SLC36A3: variants seen among roughly 807,000 people sequenced by gnomAD.
The protein encoded by SLC36A3 is solute carrier family 36 member 3.
Under a neutral mutation model 44.3 loss-of-function variants are expected in SLC36A3, and 35 were observed. The ratio of observed to expected loss-of-function variants is 0.79; its 90% CI spans 0.60 to 1.05. The LOEUF (loss-of-function observed/expected upper bound fraction) is 1.05. Among genes scored for constraint, SLC36A3 ranks in the 50% least tolerant of loss-of-function variants. The probability of loss-of-function intolerance (pLI) is 0.00; values close to 1 mark genes in which losing one functional copy is unlikely to be tolerated. For synonymous variants in SLC36A3, 211 were observed against 227.6 expected (o/e 0.93, Z 0.66); for missense variants, 540 against 578.7 (o/e 0.93, Z 0.69).
intron 6 of SLC36A3, among the ~76,000 whole-genome samples, chr5:151,285,241 T>C (rs1271537941): frequency 6.6e-6 from 1 of 152,244 alleles, no homozygotes; most frequent in Non-Finnish European, 1.5e-5. Flanking sequence ...TAAGGCTGAA[T>C]AATATTCCAC....
rs539120210 is a variant in SLC36A3, at chr5:151,289,059, CA to C, written c.405-590del. ...TGGGTGACAGAGCCAAATTCCATCT[CA>C]AAAAAAAAAAAAAGAAAAAGTCAAT... On this transcript the variant is annotated intron_variant, in intron 4 of 9. Coordinates refer to ENST00000335230, the MANE Select transcript of SLC36A3 (RefSeq NM_181774.4). 2.3e-3 allele frequency: 248 copies of C among 109,670 alleles called. No homozygotes were observed. In the Middle Eastern group the frequency reaches 0.042, roughly 19 times the overall value. The allele number at this position is 109,670 out of a possible 1,614,324, so 6.8% of individuals were successfully genotyped here. A position where few individuals can be genotyped will look rare whatever the true frequency, so the allele number is the denominator to read the frequency against.
chr5:151,290,780 A>G (rs1300059207), intron 4 of SLC36A3, among the ~76,000 whole-genome samples: 2 of 152,074 alleles, frequency 1.3e-5, no homozygotes, highest in Non-Finnish European at 2.9e-5. Context: ...CTGTAGTCCC[A>G]GCTACTCAGG....
chr5:151,291,842 G>A (rs1754768350), intron 4 of SLC36A3, among the ~76,000 whole-genome samples: 1 of 152,106 alleles, frequency 6.6e-6, no homozygotes, highest in South Asian at 2.1e-4. Context: ...TTGCCTCCAT[G>A]GAATGGGCAG....
In SLC36A3 at chr5:151,298,633, A is replaced by G; in HGVS notation, c.179T>C (p.Leu60Pro). ...CTTTATGGCCAGGGGAAGCCCCAGG[A>G]GCCCTGTGCCAATGTTGCATTTCAA... The part of the protein sequence containing the change: ...HLLKCNIGTG[L>P]LGLPLAIKNA... The change falls in exon 2 of 10, where the codon CTC (leucine) becomes CCC (proline). Residue 60 changes from leucine to proline, a missense_variant. Physicochemically the swap from Leu to Pro is moderately conservative, Grantham distance 98. Coordinates refer to ENST00000335230, the MANE Select transcript of SLC36A3 (RefSeq NM_181774.4). 1.9e-6 allele frequency: 3 copies of G among 1,614,236 alleles called. No homozygotes were observed. The highest frequency in any genetic ancestry group is 2.5e-6 in the Non-Finnish European group (3 of 1,180,042).
At chr5:151,285,707 GATT>G (rs1754510982) in intron 6 of SLC36A3, among the ~76,000 whole-genome samples, 1 of 107,718 alleles carries the variant, frequency 9.3e-6, no homozygotes, top group Non-Finnish European at 2.1e-5. Flanking sequence ...GATGATCCTG[GATT>G]ATTCGGGTGG....
chr5:151,292,265 A>G (rs1754786128), intron 4 of SLC36A3, among the ~76,000 whole-genome samples: 1 of 152,210 alleles, frequency 6.6e-6, no homozygotes, highest in Non-Finnish European at 1.5e-5. Flanking sequence ...ACTCTTTCTC[A>G]TGACCTCATC....
chr5:151,291,892 A>T (rs991973516), intron 4 of SLC36A3, among the ~76,000 whole-genome samples: 4 of 151,880 alleles, frequency 2.6e-5, no homozygotes, highest in Non-Finnish European at 4.4e-5. Flanking sequence ...ATGGAGTCTC[A>T]CTCTGTCACC....
intron 9 of SLC36A3, 51 bp downstream of exon 9, chr5:151,280,963 G>T: frequency 1.2e-6 from 2 of 1,606,728 alleles, no homozygotes; most frequent in African/African-American, 1.3e-5. Flanking sequence ...GGGCGCCAGC[G>T]TGGCTCCCTG....
intron 2 of SLC36A3, chr5:151,297,025 T>C (rs1223431896): frequency 2.6e-5 from 4 of 152,234 alleles, no homozygotes; most frequent in Non-Finnish European, 4.4e-5. Flanking sequence ...CACTTGTGTC[T>C]TTATAGATGT....
chr5:151,293,754 G>T (rs1184198863), intron 3 of SLC36A3, among the ~76,000 whole-genome samples: 1 of 152,238 alleles, frequency 6.6e-6, no homozygotes, highest in Admixed American at 6.5e-5. Flanking sequence ...GGGATATGGA[G>T]GGGGAGAGGA....
Position 151,303,329 on chromosome 5 carries a change from T to C in SLC36A3, c.26A>G (p.Asn9Ser), listed in dbSNP as rs972552272. Residue 9 changes from asparagine to serine, a missense_variant, in exon 1 of 10, where the codon AAC (asparagine) becomes AGC (serine). Physicochemically the swap from Asn to Ser is conservative, Grantham distance 46. Coordinates refer to ENST00000335230, the MANE Select transcript of SLC36A3 (RefSeq NM_181774.4). The stretch of plus-strand genomic sequence containing the variant: ...GTTGTCCAAGGAGTTCAGCTCACTG[T>C]TGTAGTCCCTTCCAAGCAATGACAT... MSLLGRDY[N>S]SELNSLDNGP... 3 of 1,613,926 alleles carry C rather than the reference T, an allele frequency of 1.9e-6. No homozygotes were observed. Among genetic ancestry groups the C allele is most frequent in the Middle Eastern group, 1.7e-4 (1 of 6,058 alleles).
chr5:151,287,600 T>A, intron 5 of SLC36A3, 136 bp from the exon 6 acceptor site: 1 of 800,976 alleles, frequency 1.2e-6, no homozygotes, highest in Non-Finnish European at 2.0e-6. Flanking sequence ...ACGCTCATAG[T>A]AAAACAAAAT....
chr5:151,288,370 G>T lies in SLC36A3; in HGVS notation c.489+16C>A. On this transcript the variant is annotated intron_variant, in intron 5 of 9. Coordinates refer to ENST00000335230, the MANE Select transcript of SLC36A3 (RefSeq NM_181774.4). ...GTCTGCTTTTCCCCCACTCTGCCCA[G>T]AAGAGGGCTCTTTACCTGTTGTAAA... 6.3e-7 allele frequency: 1 copy of T among 1,587,240 alleles called. No homozygotes were observed.
intron 4 of SLC36A3, among the ~76,000 whole-genome samples, chr5:151,290,184 A>C (rs1270416793): frequency 1.3e-5 from 2 of 152,180 alleles, no homozygotes; most frequent in African/African-American, 4.8e-5. Flanking sequence ...GCATTTTTCT[A>C]AAAGAACAAA....
In SLC36A3 at chr5:151,289,832, T is replaced by C. The variant is rs1212277749; in HGVS notation, c.405-1362A>G. Among the ~76,000 whole-genome samples, 5 of 152,332 alleles carry C rather than the reference T, an allele frequency of 3.3e-5. No homozygotes were observed. The East Asian group carries it at 9.6e-4, about 29-fold the overall frequency. ...CATGATATCCTGTTGTTTTGCTTTG[T>C]TGGTGACTGCCAGATCTCCTATTGG... On this transcript the variant is annotated intron_variant, in intron 4 of 9. Coordinates refer to ENST00000335230, the MANE Select transcript of SLC36A3 (RefSeq NM_181774.4).
At chr5:151,287,221 A>T in intron 6 of SLC36A3, 25 bp downstream of exon 6, 1 of 1,612,272 alleles carries the variant, frequency 6.2e-7, no homozygotes, top group African/African-American at 1.3e-5. Context: ...CAGGACCCTG[A>T]TCCTTTCTTC....
At chr5:151,289,588 C>T (rs562558130) in intron 4 of SLC36A3, among the ~76,000 whole-genome samples, 28 of 152,188 alleles carry the variant, frequency 1.8e-4, no homozygotes, top group Non-Finnish European at 4.1e-4. Flanking sequence ...GAGCTACACA[C>T]TGAATTATTT....
chr5:151,293,050 T>A (rs1482785037), intron 4 of SLC36A3, among the ~76,000 whole-genome samples: 2 of 152,102 alleles, frequency 1.3e-5, no homozygotes, highest in Admixed American at 6.5e-5. Context: ...TATTGTTAGA[T>A]GAAAAATCAA....
Position 151,281,035 on chromosome 5 carries a change from A to G in SLC36A3, c.1123T>C (p.Ser375Pro), listed in dbSNP as rs777305478. The change falls in exon 9 of 10, where the codon TCA becomes CCA. Residue 375 changes from serine (S) to proline (P), a missense_variant. Coordinates refer to ENST00000335230, the MANE Select transcript of SLC36A3 (RefSeq NM_181774.4). Reference protein sequence around the residue: ...WALFVDLSVRSALVCLTCVSA... With the variant: ...WALFVDLSVRPALVCLTCVSA... ...TCACAGGTTAGACAGACCAAGGCTG[A>G]GCGGACAGACAGGTCTACAAACAGT... The G allele has an allele frequency of 1.5e-5, 25 of 1,614,184 alleles. No individual in the cohort carries two copies. Among genetic ancestry groups the G allele is most frequent in the Non-Finnish European group, 1.7e-5 (20 of 1,180,028 alleles).
Sources: gnomAD v4.1 joint callset for allele counts (sites outside exome capture counted in the v4.1 genomes callset) on GRCh38, gnomAD v4.1.1 for gene constraint, MANE v1.5 for transcripts, NCBI Gene and HGNC (gene_info 2026-07-23, HGNC 2026-07-21) for gene names.